The following ARB2A variants were observed in gnomAD, a reference collection of about 807,000 sequenced individuals.
ARB2A encodes ARB2 cotranscriptional regulator A, also known as cotranscriptional regulator ARB2A.
chr5:93,944,884 C>T, the ARB2A span, among the ~76,000 whole-genome samples: 1 of 151,962 alleles, frequency 6.6e-6, no homozygotes, highest in Non-Finnish European at 1.5e-5. Context: ...TTAAGTGCCT[C>T]CAGAAGGATA....
the ARB2A span, among the ~76,000 whole-genome samples, chr5:93,749,721 T>A: frequency 6.6e-6 from 1 of 152,156 alleles, no homozygotes; most frequent in Non-Finnish European, 1.5e-5. Flanking sequence ...ATACAACTAT[T>A]AAAGAGTTTG....
chr5:93,880,126 CA>C, the ARB2A span, among the ~76,000 whole-genome samples: 3 of 151,674 alleles, frequency 2.0e-5, no homozygotes. Flanking sequence ...TCTTGCTTTT[CA>C]AATAATATAT....
the ARB2A span, among the ~76,000 whole-genome samples, chr5:93,713,501 A>C: frequency 2.0e-5 from 3 of 152,222 alleles, no homozygotes; most frequent in Non-Finnish European, 1.5e-5. Context: ...CAAAACTACA[A>C]TGAGATATCT....
chr5:93,963,757 A>C, the ARB2A span, among the ~76,000 whole-genome samples: 5 of 152,030 alleles, frequency 3.3e-5, no homozygotes, highest in Admixed American at 2.0e-4. Flanking sequence ...AGGGACGGCA[A>C]AGATCCTCCA....
At chr5:93,645,026 T>C in the ARB2A span, among the ~76,000 whole-genome samples, 1 of 152,326 alleles carries the variant, frequency 6.6e-6, no homozygotes, top group African/African-American at 2.4e-5. Flanking sequence ...AGCTCAATGC[T>C]TCTAACTTTA....
the ARB2A span, among the ~76,000 whole-genome samples, chr5:93,621,489 G>T: frequency 6.6e-5 from 10 of 152,220 alleles, no homozygotes; most frequent in African/African-American, 2.4e-4. Flanking sequence ...TCCGAGGCGC[G>T]GCTGGCCGCC....
chr5:93,824,865 C>CAT, the ARB2A span, among the ~76,000 whole-genome samples: 1 of 152,208 alleles, frequency 6.6e-6, no homozygotes, highest in African/African-American at 2.4e-5. Flanking sequence ...AAAACACTTT[C>CAT]ATAATAAACA....
the ARB2A span, among the ~76,000 whole-genome samples, chr5:93,780,978 T>C: frequency 6.6e-6 from 1 of 152,230 alleles, no homozygotes; most frequent in East Asian, 1.9e-4. Context: ...AATTAGCTTT[T>C]TATAAAATGG....
At chr5:93,789,077 C>G in the ARB2A span, among the ~76,000 whole-genome samples, 1 of 152,040 alleles carries the variant, frequency 6.6e-6, no homozygotes, top group Non-Finnish European at 1.5e-5. Context: ...AGACCCATAG[C>G]TATGTTTGGA....
chr5:93,715,626 C>T, the ARB2A span, among the ~76,000 whole-genome samples: 1 of 151,078 alleles, frequency 6.6e-6, no homozygotes. Flanking sequence ...CTTCTTTGCA[C>T]TGATCCTTTC....
At chr5:94,024,669 G>C in the ARB2A span, among the ~76,000 whole-genome samples, 1 of 152,020 alleles carries the variant, frequency 6.6e-6, no homozygotes, top group African/African-American at 2.4e-5. Flanking sequence ...TATTTTAAAA[G>C]CACACAAGAC....
At chr5:93,893,485 G>C in the ARB2A span, among the ~76,000 whole-genome samples, 3 of 152,080 alleles carry the variant, frequency 2.0e-5, no homozygotes, top group Non-Finnish European at 4.4e-5. Flanking sequence ...GTCCAGTAAT[G>C]GTTAAATGAA....
the ARB2A span, among the ~76,000 whole-genome samples, chr5:93,684,538 A>C: frequency 6.6e-6 from 1 of 152,200 alleles, no homozygotes; most frequent in Non-Finnish European, 1.5e-5. Flanking sequence ...TGAATCAATG[A>C]AGTGTAGCTT....
the ARB2A span, among the ~76,000 whole-genome samples, chr5:93,683,890 T>C: frequency 6.6e-6 from 1 of 152,204 alleles, no homozygotes; most frequent in Admixed American, 6.5e-5. Flanking sequence ...AAAAATAACA[T>C]TACCCTTTCT....
At chr5:93,918,976 C>T in the ARB2A span, among the ~76,000 whole-genome samples, 16 of 152,022 alleles carry the variant, frequency 1.1e-4, no homozygotes, top group Admixed American at 1.0e-3. Context: ...GCAGTGGTTC[C>T]CAAACTCTGA....
the ARB2A span, among the ~76,000 whole-genome samples, chr5:93,925,408 T>C: frequency 1.3e-5 from 2 of 152,264 alleles, no homozygotes; most frequent in Admixed American, 1.3e-4. Flanking sequence ...AATGAATCAT[T>C]TGATTGGGCA....
chr5:93,628,369 G>T, the ARB2A span, among the ~76,000 whole-genome samples: 2 of 151,964 alleles, frequency 1.3e-5, no homozygotes, highest in Admixed American at 6.6e-5. Flanking sequence ...AATTTTTAAG[G>T]CCCTAGGATT....
chr5:93,808,103 G>A, the ARB2A span, among the ~76,000 whole-genome samples: 1 of 151,990 alleles, frequency 6.6e-6, no homozygotes, highest in South Asian at 2.1e-4. Flanking sequence ...TAGATCAATT[G>A]GATATAAAAA....
At chr5:93,825,074 G>A in the ARB2A span, among the ~76,000 whole-genome samples, 1 of 152,148 alleles carries the variant, frequency 6.6e-6, no homozygotes, top group Non-Finnish European at 1.5e-5. Context: ...ATCTCCCGTT[G>A]TAATTCTTCA....
Sources: allele counts gnomAD v4.1 joint callset (sites outside exome capture counted in the v4.1 genomes callset), GRCh38; gene constraint gnomAD v4.1.1; transcripts MANE v1.5; gene names NCBI Gene and HGNC (gene_info 2026-07-23, HGNC 2026-07-21).